PISD: variants seen among roughly 807,000 people sequenced by gnomAD.
PISD encodes phosphatidylserine decarboxylase.
In PISD, 31 loss-of-function variants were observed where a neutral mutation model predicts 43.5. The ratio of observed to expected loss-of-function variants is 0.71; its 90% confidence interval spans 0.54 to 0.96. PISD has a LOEUF of 0.96. Ranked by LOEUF, PISD falls within the 40% of genes least tolerant of loss-of-function variation. The probability of loss-of-function intolerance (pLI) is 0.00; values close to 1 mark genes in which losing one functional copy is unlikely to be tolerated. For missense variants in PISD, 523 were observed against 548.4 expected, an observed-to-expected ratio of 0.95 and a Z score of 0.46; for synonymous variants, 259 against 228.7, an observed-to-expected ratio of 1.13 and a Z score of -1.20.
chr22:31,633,771 G>A (rs2073307225), intron 3 of PISD, among the ~76,000 whole-genome samples: 1 of 152,084 alleles, frequency 6.6e-6, no homozygotes, highest in Non-Finnish European at 1.5e-5. Flanking sequence ...CCCACAAGTT[G>A]GCCGAGATTA....
chr22:31,644,202 A>C (rs543177586), intron 3 of PISD, among the ~76,000 whole-genome samples: 1 of 152,020 alleles, frequency 6.6e-6, no homozygotes, highest in East Asian at 1.9e-4. Context: ...CAAACTTTGT[A>C]GATTTCTAGG....
At chr22:31,638,514 G>A in intron 3 of PISD, 2 of 985,586 alleles carry the variant, frequency 2.0e-6, no homozygotes, top group Non-Finnish European at 2.4e-6. Context: ...AAGACCGGCA[G>A]AGAGGAAATG....
chr22:31,650,323 C>T (rs1254027763), intron 2 of PISD, among the ~76,000 whole-genome samples: 4 of 151,990 alleles, frequency 2.6e-5, no homozygotes, highest in African/African-American at 9.7e-5. Context: ...ACTAAAAATA[C>T]ACAAATTAGC....
chr22:31,620,869 G>T, intron 6 of PISD, 127 bp downstream of exon 6: 1 of 1,376,372 alleles, frequency 7.3e-7, no homozygotes. Flanking sequence ...CAACCAGCCT[G>T]CATAAAGCAG....
At chr22:31,625,782 C>T in intron 3 of PISD, 1 of 1,597,290 alleles carries the variant, frequency 6.3e-7, no homozygotes, top group Non-Finnish European at 8.5e-7. Context: ...GCGCGGAGCT[C>T]TGGTCCTTGC....
intron 1 of PISD, among the ~76,000 whole-genome samples, chr22:31,651,702 C>T (rs543177670): frequency 1.1e-4 from 16 of 152,036 alleles, no homozygotes; most frequent in African/African-American, 3.9e-4. Flanking sequence ...GAGCTGAGAT[C>T]GTGACATTGC....
intron 1 of PISD, among the ~76,000 whole-genome samples, chr22:31,654,933 G>A (rs1397114362): frequency 6.6e-6 from 1 of 151,990 alleles, no homozygotes; most frequent in East Asian, 1.9e-4. Context: ...AAAATTAGAT[G>A]GGCGTGGTGG....
chr22:31,659,833 TG>T lies in PISD; in HGVS notation c.65+2310del, dbSNP rs772015116. On this transcript the variant is annotated intron_variant, in intron 1 of 7. Coordinates refer to ENST00000439502, the MANE Select transcript of PISD (RefSeq NM_001326411.2). ...TCCTGACCTCATGATCCACCCACCT[TG>T]GCCTCCCAAAGTGCTGGGATTACAG... Among the ~76,000 whole-genome samples the T allele has an allele frequency of 3.7e-4, 57 of 152,068 alleles. 1 individual carries two copies. Among genetic ancestry groups the T allele is most frequent in the Admixed American group, 1.2e-3 (18 of 15,224 alleles).
At chr22:31,644,482 G>A (rs1406598583) in intron 3 of PISD, among the ~76,000 whole-genome samples, 11 of 151,768 alleles carry the variant, frequency 7.2e-5, no homozygotes, top group African/African-American at 1.9e-4. Context: ...CTCGTGATCC[G>A]CCCGCCTCGG....
At chr22:31,628,412 C>T (rs2073021948) in intron 3 of PISD, among the ~76,000 whole-genome samples, 1 of 152,198 alleles carries the variant, frequency 6.6e-6, no homozygotes, top group Admixed American at 6.5e-5. Context: ...GAGCCTCAGG[C>T]CCTGGATGAG....
At chr22:31,627,205 G>T (rs1304497230) in intron 3 of PISD, among the ~76,000 whole-genome samples, 2 of 152,190 alleles carry the variant, frequency 1.3e-5, no homozygotes, top group Non-Finnish European at 2.9e-5. Flanking sequence ...GGCTGGGGCT[G>T]GTCCAGGCCC....
At chr22:31,633,609 G>A (rs2073296973) in intron 3 of PISD, among the ~76,000 whole-genome samples, 1 of 152,200 alleles carries the variant, frequency 6.6e-6, no homozygotes, top group South Asian at 2.1e-4. Context: ...CAGCTACTCA[G>A]GAGGCTGAGG....
At position 31,621,366 on chromosome 22, in the gene PISD, C is replaced by T. The variant is rs199747774; in HGVS notation, c.665G>A (p.Arg222His). 42 of 1,613,948 alleles carry T rather than the reference C, an allele frequency of 2.6e-5. No individual in the cohort carries two copies. Among genetic ancestry groups the T allele is most frequent in the African/African-American group, 4.0e-5 (3 of 74,902 alleles). Residue 222 changes from arginine to histidine, a missense_variant, in exon 5 of 8, where the codon CGT becomes CAT. By Grantham distance (29) the Arg-to-His change is conservative. Transcript: ENST00000439502. ...GAAGGGCAGGTCCTCTGTGCACATA[C>T]GCGGGCCCAGGAACGACTCCAGGGA... is the stretch of plus-strand genomic sequence containing the variant. ...TYSLESFLGP[R>H]MCTEDLPFPP...
intron 3 of PISD, among the ~76,000 whole-genome samples, chr22:31,640,406 G>A (rs1166738971): frequency 2.6e-5 from 4 of 151,608 alleles, no homozygotes; most frequent in Non-Finnish European, 4.4e-5. Flanking sequence ...CACGTTGCGC[G>A]GATTGGTCTC....
intron 7 of PISD, 63 bp downstream of exon 7, chr22:31,620,490 A>C: frequency 1.3e-6 from 2 of 1,540,194 alleles, no homozygotes; most frequent in Non-Finnish European, 1.8e-6. Context: ...CGCACAGCAG[A>C]CAAGGCAGGT....
At chr22:31,641,067 A>G (rs1447296784) in intron 3 of PISD, among the ~76,000 whole-genome samples, 1 of 148,764 alleles carries the variant, frequency 6.7e-6, no homozygotes, top group Non-Finnish European at 1.5e-5. Flanking sequence ...TTTTGTATTT[A>G]GTAGAAGAGG....
At chr22:31,627,103 G>C (rs8139890) in intron 3 of PISD, among the ~76,000 whole-genome samples, 15,450 of 152,268 alleles carry the variant, frequency 0.1, 961 homozygotes, top group Admixed American at 0.16. Context: ...AAGAATCACC[G>C]AAGCCCCGGG....
At chr22:31,625,814 A>C (rs759764933) in intron 3 of PISD, 2 of 1,600,074 alleles carry the variant, frequency 1.2e-6, no homozygotes, top group African/African-American at 1.3e-5. Flanking sequence ...CTGACACATC[A>C]TGGGCCGGCG....
intron 3 of PISD, among the ~76,000 whole-genome samples, chr22:31,633,776 A>G (rs2073307548): frequency 6.6e-6 from 1 of 152,180 alleles, no homozygotes; most frequent in African/African-American, 2.4e-5. Flanking sequence ...AAGTTGGCCG[A>G]GATTAGCACT....
Sources: gnomAD v4.1 joint callset for allele counts (sites outside exome capture counted in the v4.1 genomes callset) on GRCh38, gnomAD v4.1.1 for gene constraint, MANE v1.5 for transcripts, NCBI Gene and HGNC (gene_info 2026-07-23, HGNC 2026-07-21) for gene names.